The following OR51B5 variants were observed in gnomAD, a reference collection of about 807,000 sequenced individuals.
OR51B5 encodes the protein olfactory receptor family 51 subfamily B member 5, also known as olfactory receptor 51B5.
For synonymous variants in OR51B5, 186 were observed against 144.8 expected (o/e 1.28, Z -2.04); for missense variants, 456 against 374.6 (o/e 1.22, Z -1.79).
intron 1 of OR51B5, chr11:5,385,521 C>A (rs1849675024): frequency 1.3e-5 from 2 of 151,884 alleles, no homozygotes; most frequent in Admixed American, 1.3e-4. Context: ...TATAGTGGTA[C>A]CTACCACATC....
chr11:5,368,591 A>C (rs1849408834), intron 1 of OR51B5, among the ~76,000 whole-genome samples: 1 of 151,756 alleles, frequency 6.6e-6, no homozygotes, highest in African/African-American at 2.4e-5. Flanking sequence ...TCACAATCGT[A>C]ATACTTGAAG....
chr11:5,343,712 C>G, upstream of OR51B5: 1 of 492,616 alleles, frequency 2.0e-6, no homozygotes, highest in Non-Finnish European at 3.5e-6. Context: ...GTATTCTTAA[C>G]TGCACATTCC....
chr11:5,358,680 G>C (rs78805305), intron 1 of OR51B5, among the ~76,000 whole-genome samples: 56,311 of 150,798 alleles, frequency 0.37, 10,757 homozygotes, highest in Non-Finnish European at 0.4. Context: ...GCCGGGCAGA[G>C]ACACAACAAA....
At chr11:5,416,832 T>C (rs973565668) in intron 1 of OR51B5, among the ~76,000 whole-genome samples, 8 of 151,800 alleles carry the variant, frequency 5.3e-5, no homozygotes, top group Non-Finnish European at 1.2e-4. Context: ...GAATCAATAT[T>C]GTGACAATGG....
At chr11:5,477,656 C>T (rs1483384991) in intron 1 of OR51B5, among the ~76,000 whole-genome samples, 4 of 152,056 alleles carry the variant, frequency 2.6e-5, no homozygotes, top group Non-Finnish European at 4.4e-5. Context: ...TGGGTGCGCG[C>T]ACCGTGCGCG....
Position 5,342,974 on chromosome 11 carries a change from TTAATGACATCCTGG to T in OR51B5, c.537_550del (p.His179GlnfsTer6). The T allele has an allele frequency of 1.9e-6, 3 of 1,613,744 alleles. No individual in the cohort carries two copies. Among genetic ancestry groups the T allele is most frequent in the Non-Finnish European group, 2.5e-6 (3 of 1,179,778 alleles). ...GAAGGTGGTATCAGCACAGGCGAGT[TTAATGACATCCTGG>T]TGAAGGCAGAATGCATGTGAAAGAA... is the stretch of plus-strand genomic sequence containing the variant. On this transcript the variant is annotated frameshift_variant, in exon 1 of 1. Coordinates refer to ENST00000300773, the Ensembl canonical transcript of OR51B5. LOFTEE classifies it low-confidence loss of function (END_TRUNC).
intron 1 of OR51B5, chr11:5,469,026 G>A (rs530394681): frequency 9.3e-5 from 28 of 300,808 alleles, no homozygotes; most frequent in Non-Finnish European, 1.4e-4. Context: ...GTGGCATAGC[G>A]CAGCGGGTTA....
chr11:5,379,701 C>A (rs980567139), intron 1 of OR51B5, among the ~76,000 whole-genome samples: 1 of 135,520 alleles, frequency 7.4e-6, no homozygotes, highest in Non-Finnish European at 1.6e-5. Flanking sequence ...GATTTTATGT[C>A]CAGATGTTGA....
chr11:5,359,224 G>T (rs933528167), intron 1 of OR51B5, among the ~76,000 whole-genome samples: 22 of 149,332 alleles, frequency 1.5e-4, no homozygotes, highest in Admixed American at 1.3e-4. Context: ...CAGATGACAC[G>T]ATTGTATATC....
chr11:5,489,565 G>A (rs747297481), intron 1 of OR51B5: 5 of 1,613,954 alleles, frequency 3.1e-6, no homozygotes, highest in Non-Finnish European at 4.2e-6. Flanking sequence ...CTATGTGCTG[G>A]TGCCTCCTGT....
rs956167928 is a variant in OR51B5, at chr11:5,396,081, T to C, written n.85-49171A>G. ...ATAGAGTGAAGAGCTATTGAAGTTA[T>C]GATTGTAATACAGATCTGGTCCCAG... On this transcript the variant is annotated intron_variant and non_coding_transcript_variant, in intron 1 of 4. Coordinates refer to the OR51B5 transcript ENST00000415970. Among the ~76,000 whole-genome samples the C allele has an allele frequency of 3.3e-5, 5 of 152,212 alleles. No homozygotes were observed. The South Asian group carries it at 8.3e-4, about 25-fold the overall frequency.
At chr11:5,353,426 GGCATGT>G (rs1849134457) in intron 1 of OR51B5, among the ~76,000 whole-genome samples, 1 of 152,108 alleles carries the variant, frequency 6.6e-6, no homozygotes, top group Non-Finnish European at 1.5e-5. Flanking sequence ...AGGGGTGTCT[GGCATGT>G]GCAAAATAGC....
At chr11:5,445,988 A>T (rs896022874) in intron 1 of OR51B5, among the ~76,000 whole-genome samples, 1 of 152,054 alleles carries the variant, frequency 6.6e-6, no homozygotes, top group African/African-American at 2.4e-5. Flanking sequence ...CATCATTCTC[A>T]GCAAACTATC....
intron 1 of OR51B5, among the ~76,000 whole-genome samples, chr11:5,379,420 C>T (rs905181643): frequency 6.0e-5 from 9 of 150,936 alleles, no homozygotes; most frequent in Non-Finnish European, 8.8e-5. Context: ...TGTAACTAAC[C>T]GGCACATTAT....
chr11:5,363,390 T>C (rs537971087), intron 1 of OR51B5, among the ~76,000 whole-genome samples: 1 of 148,850 alleles, frequency 6.7e-6, no homozygotes, highest in East Asian at 2.0e-4. Context: ...TGGTGTTGAG[T>C]ACATGATCCT....
intron 1 of OR51B5, among the ~76,000 whole-genome samples, chr11:5,380,252 ACT>A (rs1345866754): frequency 6.6e-6 from 1 of 152,092 alleles, no homozygotes; most frequent in Non-Finnish European, 1.5e-5. Flanking sequence ...AACCTTCCAG[ACT>A]CTCTGTGCAC....
At chr11:5,486,086 C>T (rs141746210) in intron 1 of OR51B5, among the ~76,000 whole-genome samples, 263 of 152,112 alleles carry the variant, frequency 1.7e-3, no homozygotes, top group African/African-American at 6.0e-3. Flanking sequence ...ACCAAACCTG[C>T]CAACATCGCG....
intron 1 of OR51B5, chr11:5,454,092 G>A: frequency 6.2e-7 from 1 of 1,614,122 alleles, no homozygotes; most frequent in East Asian, 2.2e-5. Flanking sequence ...TGGACTCTTT[G>A]TTCTTGTATC....
At chr11:5,402,641 C>T (rs1179082054) in intron 1 of OR51B5, 3 of 471,266 alleles carry the variant, frequency 6.4e-6, no homozygotes, top group South Asian at 4.6e-5. Context: ...CTACGACTTT[C>T]ATTTTGGTTG....
Sources: allele counts gnomAD v4.1 joint callset (sites outside exome capture counted in the v4.1 genomes callset), GRCh38; gene constraint gnomAD v4.1.1; transcripts MANE v1.5; gene names NCBI Gene and HGNC (gene_info 2026-07-23, HGNC 2026-07-21).